The following TTC1 variants were observed in gnomAD, a reference collection of about 807,000 sequenced individuals.
TTC1 encodes the protein tetratricopeptide repeat protein 1.
Under a neutral mutation model 37.6 loss-of-function variants are expected in TTC1, and 31 were observed. That is an observed-to-expected ratio of 0.82 (90% CI 0.62 to 1.11). TTC1 has a LOEUF of 1.11. Ranked by LOEUF, TTC1 falls within the 50% of genes most tolerant of loss-of-function variation. The pLI is 0.00. For missense variants in TTC1, 351 were observed against 339.0 expected (o/e 1.04, Z -0.28); for synonymous variants, 127 against 122.4 (o/e 1.04, Z -0.25).
At chr5:160,039,687 A>G (rs180725646) in intron 4 of TTC1, among the ~76,000 whole-genome samples, 6 of 152,336 alleles carry the variant, frequency 3.9e-5, no homozygotes, top group Admixed American at 2.0e-4. Context: ...TTGTACACAT[A>G]AATTGTAAAG....
At chr5:160,045,520 ACTCT>A (rs749296749) in intron 5 of TTC1, among the ~76,000 whole-genome samples, 1,777 of 54,798 alleles carry the variant, frequency 0.032, 50 homozygotes, top group African/African-American at 0.086. Flanking sequence ...ACACATACAC[ACTCT>A]CTCTCTCTCT....
intron 2 of TTC1, among the ~76,000 whole-genome samples, chr5:160,016,630 T>TGCATTACATATATGTAATGCA (rs1319867625): frequency 6.6e-6 from 1 of 152,172 alleles, no homozygotes; most frequent in Non-Finnish European, 1.5e-5. Flanking sequence ...AATTTTGTAA[T>TGCATTACATATATGTAATGCA]ATTTGCTTTT....
At position 160,030,637 on chromosome 5, in the gene TTC1, G is replaced by C. The variant is rs146943968; in HGVS notation, c.331-4503G>C. On this transcript the variant is annotated intron_variant, in intron 2 of 7. Coordinates refer to ENST00000231238, the MANE Select transcript of TTC1 (RefSeq NM_003314.3). The stretch of plus-strand genomic sequence containing the variant: ...ACTCCGTTCATCAAGAGCATTGGCT[G>C]TTTGGGGCTCTCCTTGGCAGTTCCT... 9.2e-5 allele frequency among the ~76,000 whole-genome samples: 14 copies of C among 152,338 alleles called. No individual in the cohort carries two copies. The East Asian group carries it at 2.7e-3, about 29-fold the overall frequency.
chr5:160,009,636 A>C (rs2113334621), intron 1 of TTC1, among the ~76,000 whole-genome samples: 1 of 152,292 alleles, frequency 6.6e-6, no homozygotes, highest in East Asian at 1.9e-4. Context: ...CCCTTGCTTG[A>C]CGCGACACTA....
intron 2 of TTC1, 133 bp downstream of exon 2, chr5:160,010,991 T>A (rs1175966159): frequency 6.0e-6 from 5 of 835,706 alleles, no homozygotes; most frequent in Non-Finnish European, 9.1e-6. Flanking sequence ...GCTTTAGTAG[T>A]GTTGGATCTG....
chr5:160,040,918 A>T (rs1432188734), intron 4 of TTC1, among the ~76,000 whole-genome samples: 1 of 150,130 alleles, frequency 6.7e-6, no homozygotes, highest in Admixed American at 6.6e-5. Flanking sequence ...CTATATCTTT[A>T]TTCTATATAC....
chr5:160,024,742 C>A (rs1486373843), intron 2 of TTC1, among the ~76,000 whole-genome samples: 1 of 151,944 alleles, frequency 6.6e-6, no homozygotes, highest in African/African-American at 2.4e-5. Flanking sequence ...AGTGATGCTA[C>A]CACCTCAAGA....
chr5:160,036,400 A>G (rs564526961), intron 3 of TTC1: 75 of 249,130 alleles, frequency 3.0e-4, no homozygotes, highest in Admixed American at 7.5e-4. Flanking sequence ...AAAACTGAAC[A>G]TTGAGGGAAT....
intron 4 of TTC1, among the ~76,000 whole-genome samples, chr5:160,039,626 A>G (rs919994125): frequency 1.2e-4 from 19 of 152,202 alleles, no homozygotes; most frequent in Admixed American, 3.3e-4. Flanking sequence ...GATAAGATGC[A>G]CTACAGCTTA....
chr5:160,024,825 T>C (rs1756773152), intron 2 of TTC1, among the ~76,000 whole-genome samples: 1 of 151,908 alleles, frequency 6.6e-6, no homozygotes, highest in Non-Finnish European at 1.5e-5. Flanking sequence ...AGAGGTTTGT[T>C]TTTGTTTTGT....
At chr5:160,024,125 G>GAGAAGGCTC in intron 2 of TTC1, 1 of 670,796 alleles carries the variant, frequency 1.5e-6, no homozygotes, top group South Asian at 1.9e-5. Context: ...ACATAGCACA[G>GAGAAGGCTC]TGCCTACACA....
At chr5:160,063,622 T>C (rs531647745) in intron 7 of TTC1, 28 of 152,278 alleles carry the variant, frequency 1.8e-4, no homozygotes, top group African/African-American at 5.5e-4. Context: ...CTCTGGTGAT[T>C]AGGGATTTCT....
chr5:160,028,545 A>G (rs1464158995), intron 2 of TTC1, among the ~76,000 whole-genome samples: 1 of 152,074 alleles, frequency 6.6e-6, no homozygotes, highest in Non-Finnish European at 1.5e-5. Context: ...GTGCAGTGGC[A>G]CAATCATGGC....
At chr5:160,049,940 G>A (rs1381717956) in intron 6 of TTC1, among the ~76,000 whole-genome samples, 2 of 152,028 alleles carry the variant, frequency 1.3e-5, no homozygotes, top group Non-Finnish European at 2.9e-5. Context: ...TTAGCCGGGT[G>A]TGGTCGTACA....
chr5:160,041,716 A>G (rs1014661188), intron 4 of TTC1, among the ~76,000 whole-genome samples: 9 of 152,172 alleles, frequency 5.9e-5, no homozygotes, highest in South Asian at 2.1e-4. Context: ...GACGGCTACT[A>G]TGTCATTAGG....
chr5:160,033,661 G>A (rs1756954341), intron 2 of TTC1, among the ~76,000 whole-genome samples: 1 of 152,174 alleles, frequency 6.6e-6, no homozygotes, highest in Non-Finnish European at 1.5e-5. Flanking sequence ...AAAGCTGATG[G>A]TTTTAAAGTG....
At chr5:160,028,739 A>T (rs964383655) in intron 2 of TTC1, among the ~76,000 whole-genome samples, 1 of 151,992 alleles carries the variant, frequency 6.6e-6, no homozygotes, top group African/African-American at 2.4e-5. Flanking sequence ...CTCCCAAAGT[A>T]CTGGGATTAC....
chr5:160,028,512 C>T (rs80023838), intron 2 of TTC1, among the ~76,000 whole-genome samples: 8,653 of 152,052 alleles, frequency 0.057, 333 homozygotes, highest in East Asian at 0.15. Flanking sequence ...GAAGCAAGGT[C>T]GCACTCTGTC....
intron 2 of TTC1, among the ~76,000 whole-genome samples, chr5:160,023,116 C>A (rs1384568954): frequency 6.6e-6 from 1 of 151,978 alleles, no homozygotes; most frequent in Non-Finnish European, 1.5e-5. Flanking sequence ...AATAGCAGGG[C>A]CTGGTGGTGT....
Sources: allele counts gnomAD v4.1 joint callset (sites outside exome capture counted in the v4.1 genomes callset), GRCh38; gene constraint gnomAD v4.1.1; transcripts MANE v1.5; gene names NCBI Gene and HGNC (gene_info 2026-07-23, HGNC 2026-07-21).